ANK2: variants seen among roughly 807,000 people sequenced by gnomAD.
The protein encoded by ANK2 is ankyrin 2, also known as ankyrin-2.
ANK2 carries 83 observed loss-of-function variants against 360.5 expected under a neutral mutation model. That is an observed-to-expected ratio of 0.23 (90% CI 0.19 to 0.28). The LOEUF (loss-of-function observed/expected upper bound fraction) is 0.28. Ranked by LOEUF, ANK2 falls within the 10% of genes least tolerant of loss-of-function variation. The probability of loss-of-function intolerance (pLI) is 1.00; values close to 1 mark genes in which losing one functional copy is unlikely to be tolerated. For synonymous variants in ANK2, 1,740 were observed against 1,759.5 expected, an observed-to-expected ratio of 0.99 and a Z score of 0.28; for missense variants, 4,201 against 4,795.7, an observed-to-expected ratio of 0.88 and a Z score of 3.66.
At chr4:113,047,691 G>A (rs61580896), upstream of ANK2, among the ~76,000 whole-genome samples, 373 of 152,174 alleles carry the variant, frequency 2.5e-3, 2 homozygotes, top group African/African-American at 8.5e-3. Context: ...AAAAAAAAGA[G>A]AGAACCTTTG....
intron 43 of ANK2, 115 bp from the exon 44 acceptor site, chr4:113,372,975 T>G (rs573413898): frequency 2.4e-4 from 228 of 949,978 alleles, no homozygotes; most frequent in South Asian, 5.3e-4. Context: ...ATCTCAGCAA[T>G]GCTTCTCAAC....
At chr4:112,766,201 G>T in the ANK2 span, among the ~76,000 whole-genome samples, 2 of 151,784 alleles carry the variant, frequency 1.3e-5, no homozygotes, top group African/African-American at 4.8e-5. Flanking sequence ...GCGTGGTGGT[G>T]CACGCCTGTA....
chr4:113,075,126 C>A (rs1354802676), intron 1 of ANK2, among the ~76,000 whole-genome samples: 1 of 152,156 alleles, frequency 6.6e-6, no homozygotes, highest in Non-Finnish European at 1.5e-5. Context: ...TTTGTGTACA[C>A]ACTAAAGTCT....
At chr4:112,760,244 T>C in the ANK2 span, among the ~76,000 whole-genome samples, 1 of 151,038 alleles carries the variant, frequency 6.6e-6, no homozygotes, top group African/African-American at 2.4e-5. Context: ...TGGAGTTCAG[T>C]GGCGCGATAT....
chr4:112,810,999 G>C, the ANK2 span, among the ~76,000 whole-genome samples: 2 of 148,354 alleles, frequency 1.3e-5, no homozygotes, highest in Non-Finnish European at 3.0e-5. Context: ...GCAGTGGCGC[G>C]ATCTCGGCCC....
At chr4:112,918,495 G>A (rs1380839162) in intron 2 of ANK2, among the ~76,000 whole-genome samples, 3 of 152,100 alleles carry the variant, frequency 2.0e-5, no homozygotes, top group Non-Finnish European at 4.4e-5. Flanking sequence ...GAGACGTGGC[G>A]GAAACATCCA....
chr4:112,834,433 G>T (rs1479694657), intron 1 of ANK2, among the ~76,000 whole-genome samples: 1 of 152,164 alleles, frequency 6.6e-6, no homozygotes, highest in Non-Finnish European at 1.5e-5. Flanking sequence ...AGTGCATGCA[G>T]ATTCATTATA....
At position 113,354,110 on chromosome 4, in the gene ANK2, C is replaced by G; in HGVS notation, c.5492C>G (p.Ser1831Cys). ...GSPSPKTERH[S>C]TLSSSAKTER... ...CCCTCCCCTAAAACAGAAAGACACTCTACTCTTTCCTCTTCCGCAAAAACT... is the reference window on the plus strand; with the variant it reads ...CCCTCCCCTAAAACAGAAAGACACTGTACTCTTTCCTCTTCCGCAAAAACT... Residue 1831 changes from serine to cysteine, a missense_variant, in exon 38 of 46, where the codon TCT becomes TGT. Physicochemically the swap from Ser to Cys is moderately radical, Grantham distance 112 (BLOSUM62 -1). Coordinates refer to ENST00000357077, the MANE Select transcript of ANK2 (RefSeq NM_001148.6). 2 of 1,614,104 alleles carry G rather than the reference C, an allele frequency of 1.2e-6. No individual in the cohort carries two copies. The highest frequency in any genetic ancestry group is 1.1e-5 in the South Asian group (1 of 91,080).
the ANK2 span, among the ~76,000 whole-genome samples, chr4:112,764,642 C>G: frequency 6.7e-6 from 1 of 150,358 alleles, no homozygotes; most frequent in Admixed American, 6.6e-5. Flanking sequence ...GTACCTGGTC[C>G]AATTTCTTTG....
At chr4:112,827,025 A>G in intron 1 of ANK2, 1 of 1,418,760 alleles carries the variant, frequency 7.0e-7, no homozygotes, top group Non-Finnish European at 1.0e-6. Flanking sequence ...AGACATTGGT[A>G]AAAAGCATGA....
At chr4:113,313,082 C>T (rs935147074) in intron 24 of ANK2, among the ~76,000 whole-genome samples, 1 of 152,102 alleles carries the variant, frequency 6.6e-6, no homozygotes, top group African/African-American at 2.4e-5. Flanking sequence ...AAATTGAGTC[C>T]TTGGCTTCAA....
intron 2 of ANK2, among the ~76,000 whole-genome samples, chr4:113,037,297 C>A (rs904264103): frequency 2.0e-5 from 3 of 151,820 alleles, no homozygotes; most frequent in Non-Finnish European, 4.4e-5. Context: ...ACTTAGATTT[C>A]TACAGTTTTA....
chr4:112,788,358 T>C, the ANK2 span: 1 of 1,552,972 alleles, frequency 6.4e-7, no homozygotes, highest in Non-Finnish European at 8.8e-7. Context: ...ACCACCATTT[T>C]ACGACATAGG....
At chr4:113,335,546 C>T (rs2093408777) in intron 29 of ANK2, among the ~76,000 whole-genome samples, 2 of 152,160 alleles carry the variant, frequency 1.3e-5, no homozygotes, top group South Asian at 2.1e-4. Flanking sequence ...CCTCTCATTT[C>T]AAAGGTGGCC....
At chr4:113,041,782 A>T (rs980893807) in intron 2 of ANK2, among the ~76,000 whole-genome samples, 1 of 152,146 alleles carries the variant, frequency 6.6e-6, no homozygotes, top group Non-Finnish European at 1.5e-5. Context: ...TTCAAGGTCA[A>T]AGTGCAGGCA....
In ANK2 at chr4:113,358,227, A is replaced by T. The variant is rs148514578; in HGVS notation, c.9609A>T (p.Gln3203His). 8 of 1,613,958 alleles carry T rather than the reference A, an allele frequency of 5.0e-6. No individual in the cohort carries two copies. The African/African-American group carries it at 5.3e-5, about 11-fold the overall frequency. ...IPASDAQLNS[Q>H]MGISASTETP... ...CTTCGGATGCTCAACTTAACTCCCA[A>T]ATGGGGATTTCAGCCTCCACTGAAA... Residue 3203 changes from glutamine to histidine, a missense_variant, in exon 38 of 46, where the codon CAA (glutamine) becomes CAT (histidine). This residue lies in a region of ANK2 where 2,642 missense variants were observed against 2,714.5 expected (regional missense o/e 0.97). Coordinates refer to ENST00000357077, the MANE Select transcript of ANK2 (RefSeq NM_001148.6).
the ANK2 span, among the ~76,000 whole-genome samples, chr4:112,807,674 C>T: frequency 6.6e-6 from 1 of 152,112 alleles, no homozygotes; most frequent in African/African-American, 2.4e-5. Flanking sequence ...TTACGAAGAG[C>T]GAATGAGATC....
chr4:113,059,851 C>G (rs936806221), intron 1 of ANK2, among the ~76,000 whole-genome samples: 174 of 152,200 alleles, frequency 1.1e-3, no homozygotes, highest in African/African-American at 4.0e-3. Flanking sequence ...GGTTTGAATG[C>G]TTAGCTATTT....
At chr4:113,257,975 T>C in intron 11 of ANK2, 75 bp from the exon 12 acceptor site, 3 of 1,305,160 alleles carry the variant, frequency 2.3e-6, no homozygotes, top group Non-Finnish European at 3.3e-6. Context: ...CATTATTGCC[T>C]GCAATGTGCC....
Sources: allele counts gnomAD v4.1 joint callset (sites outside exome capture counted in the v4.1 genomes callset), GRCh38; gene constraint gnomAD v4.1.1; regional missense constraint gnomAD v4.1.1; transcripts MANE v1.5; gene names NCBI Gene and HGNC (gene_info 2026-07-23, HGNC 2026-07-21).